MBNL2: variants seen among roughly 807,000 people sequenced by gnomAD.
MBNL2 encodes muscleblind like splicing regulator 2, also known as muscleblind-like protein 2.
Under a neutral mutation model 41.9 loss-of-function variants are expected in MBNL2, and 17 were observed. The observed-to-expected ratio is 0.41, with a 90% CI of 0.28 to 0.61. MBNL2 has a LOEUF of 0.61. Among genes scored for constraint, MBNL2 ranks in the 20% least tolerant of loss-of-function variants. The pLI, the probability that MBNL2 is intolerant of heterozygous loss-of-function variation, is 0.35. For missense variants in MBNL2, 336 were observed against 505.6 expected (o/e 0.66, Z 3.22); for synonymous variants, 195 against 182.9 (o/e 1.07, Z -0.53).
chr13:97,368,157 C>A (rs1020367924), intron 8 of MBNL2, among the ~76,000 whole-genome samples: 1 of 152,274 alleles, frequency 6.6e-6, no homozygotes, highest in Admixed American at 6.5e-5. Context: ...TGCTTGTAAT[C>A]CCAGCATTTT....
At chr13:97,319,320 G>C (rs2059310479) in intron 2 of MBNL2, among the ~76,000 whole-genome samples, 3 of 152,180 alleles carry the variant, frequency 2.0e-5, no homozygotes, top group Admixed American at 2.0e-4. Flanking sequence ...CTTGAGGATT[G>C]ATTCTGGGGA....
chr13:97,165,423 T>C, the MBNL2 span, among the ~76,000 whole-genome samples: 1 of 152,170 alleles, frequency 6.6e-6, no homozygotes, highest in Non-Finnish European at 1.5e-5. Flanking sequence ...AGCTACTTTT[T>C]CTTAAAAAAT....
chr13:97,292,200 CAA>C (rs34473435), intron 2 of MBNL2, among the ~76,000 whole-genome samples: 9,617 of 68,992 alleles, frequency 0.14, 305 homozygotes, highest in South Asian at 0.23. Context: ...GACTCCATCT[CAA>C]AAAAAAAAAA....
At chr13:97,270,396 A>T (rs1409190128) in intron 1 of MBNL2, among the ~76,000 whole-genome samples, 1 of 151,780 alleles carries the variant, frequency 6.6e-6, no homozygotes, top group Non-Finnish European at 1.5e-5. Context: ...TTCAGTGTGT[A>T]TTTTCTACTT....
At chr13:97,285,571 C>T (rs550743607) in intron 2 of MBNL2, among the ~76,000 whole-genome samples, 5 of 152,262 alleles carry the variant, frequency 3.3e-5, no homozygotes, top group South Asian at 2.1e-4. Flanking sequence ...TGAATCTTGG[C>T]GATCAATTAA....
In MBNL2 at chr13:97,329,780, AAC is replaced by A. The variant is rs1460427268; in HGVS notation, c.175-4490_175-4489del. On this transcript the variant is annotated intron_variant, in intron 2 of 8. Coordinates refer to ENST00000679496, the MANE Select transcript of MBNL2 (RefSeq NM_001382683.1). Reference sequence around the variant, plus strand: ...CACACACAGCACACACACAACAGGAAACACACAATACATATAATACATACAAC... The same window carrying A: ...CACACACAGCACACACACAACAGGAAACACAATACATATAATACATACAAC... Among the ~76,000 whole-genome samples the A allele has an allele frequency of 2.1e-3, 23 of 11,074 alleles. 1 individual carries two copies. The highest frequency in any genetic ancestry group is 5.7e-3 in the African/African-American group (18 of 3,172). 7.3% of individuals were successfully genotyped at this position (11,074 alleles called of 152,430 possible). A position where few individuals can be genotyped will look rare whatever the true frequency, so the allele number is the denominator to read the frequency against.
At chr13:97,249,277 TGATTGTCCCTAGATGGTG>T (rs958675830) in intron 1 of MBNL2, among the ~76,000 whole-genome samples, 1 of 152,242 alleles carries the variant, frequency 6.6e-6, no homozygotes, top group African/African-American at 2.4e-5. Flanking sequence ...TGTTTGTGAA[TGATTGTCCCTAGATGGTG>T]GTGACATTTG....
At chr13:97,175,656 A>G in the MBNL2 span, among the ~76,000 whole-genome samples, 1 of 152,184 alleles carries the variant, frequency 6.6e-6, no homozygotes, top group Non-Finnish European at 1.5e-5. Flanking sequence ...AATGCCCCCA[A>G]CAAGAGCAGA....
At chr13:97,280,745 C>A (rs2053227709) in intron 2 of MBNL2, among the ~76,000 whole-genome samples, 4 of 152,238 alleles carry the variant, frequency 2.6e-5, no homozygotes, top group Admixed American at 2.6e-4. Flanking sequence ...ATATGCCAAG[C>A]AGGCTTTGCC....
chr13:97,268,273 TC>T lies in MBNL2; in HGVS notation c.-604-7358del, dbSNP rs1413535341. Among the ~76,000 whole-genome samples the T allele has an allele frequency of 4.6e-5, 7 of 152,268 alleles. No individual in the cohort carries two copies. Among genetic ancestry groups the T allele is most frequent in the Non-Finnish European group, 5.9e-5 (4 of 68,012 alleles). On this transcript the variant is annotated intron_variant, in intron 1 of 8. Transcript: ENST00000679496. The surrounding 1 kb of genome is among the most constrained non-coding windows in gnomAD (Gnocchi z 4.6). ...CCATGCACGCCCGGCTAAATTTTTT[TC>T]TATTTTTTGTAGACATGGGGTTTCA...
intron 2 of MBNL2, among the ~76,000 whole-genome samples, chr13:97,290,745 C>T (rs972638125): frequency 6.6e-6 from 1 of 151,030 alleles, no homozygotes; most frequent in Non-Finnish European, 1.5e-5. Flanking sequence ...TATTTATTTA[C>T]CTACTATGAG....
the MBNL2 span, among the ~76,000 whole-genome samples, chr13:97,173,017 A>C: frequency 6.6e-6 from 1 of 152,228 alleles, no homozygotes; most frequent in Non-Finnish European, 1.5e-5. Context: ...TTCTTCGTCC[A>C]TCAAATGGAG....
chr13:97,309,835 A>C (rs1380072901), intron 2 of MBNL2, among the ~76,000 whole-genome samples: 4 of 152,256 alleles, frequency 2.6e-5, no homozygotes, highest in Non-Finnish European at 5.9e-5. Context: ...ACCCAACAAT[A>C]AGAGCTAGCT....
intron 2 of MBNL2, among the ~76,000 whole-genome samples, chr13:97,327,517 T>C (rs940806287): frequency 1.6e-5 from 2 of 122,870 alleles, no homozygotes; most frequent in African/African-American, 3.3e-5. Flanking sequence ...ATTTGACAGA[T>C]GAGAAAATTG....
chr13:97,299,490 A>C (rs1040698167), intron 2 of MBNL2, among the ~76,000 whole-genome samples: 32 of 152,210 alleles, frequency 2.1e-4, no homozygotes, highest in Non-Finnish European at 1.0e-4. Flanking sequence ...CAACTCAACC[A>C]TTCCATTTCT....
intron 5 of MBNL2, among the ~76,000 whole-genome samples, chr13:97,354,624 AAGAC>A (rs1165372191): frequency 1.3e-5 from 2 of 152,234 alleles, no homozygotes; most frequent in African/African-American, 2.4e-5. Context: ...TCATCACACT[AAGAC>A]AGGAAGAAGA....
intron 2 of MBNL2, among the ~76,000 whole-genome samples, chr13:97,308,897 C>G (rs533625348): frequency 1.1e-3 from 165 of 152,224 alleles, no homozygotes; most frequent in Middle Eastern, 6.8e-3. Flanking sequence ...TCATTTCTAG[C>G]AAGATAAGCA....
At position 97,289,142 on chromosome 13, in the gene MBNL2, G is replaced by T. The variant is rs189492474; in HGVS notation, c.174+12733G>T. 3.3e-5 allele frequency among the ~76,000 whole-genome samples: 5 copies of T among 152,154 alleles called. 1 individual carries two copies. The highest frequency in any genetic ancestry group is 1.2e-4 in the African/African-American group (5 of 41,500). ...CTTATTCTTAAAAAATACATAATGC[G>T]TCTAATTTTTTACTGAATACTGATG... On this transcript the variant is annotated intron_variant, in intron 2 of 8. Coordinates refer to ENST00000679496, the MANE Select transcript of MBNL2 (RefSeq NM_001382683.1).
intron 8 of MBNL2, among the ~76,000 whole-genome samples, chr13:97,375,706 T>A (rs1463464634): frequency 6.6e-6 from 1 of 152,240 alleles, no homozygotes; most frequent in African/African-American, 2.4e-5. Context: ...GCCTCACATC[T>A]GTCTGACTTT....
Sources: gnomAD v4.1 joint callset for allele counts (sites outside exome capture counted in the v4.1 genomes callset) on GRCh38, gnomAD v4.1.1 for gene constraint, Gnocchi (gnomAD v3.1) non-coding constraint, MANE v1.5 for transcripts, NCBI Gene and HGNC (gene_info 2026-07-23, HGNC 2026-07-21) for gene names.